P2RY8: variants seen among roughly 807,000 people sequenced by gnomAD.
P2RY8 encodes P2Y receptor family member 8, also known as S-geranylgeranyl-glutathione receptor P2RY8.
P2RY8 carries 6 observed loss-of-function variants against 10.0 expected under a neutral mutation model. The observed-to-expected ratio is 0.60, with a 90% CI of 0.33 to 1.19. The LOEUF is 1.19. Among genes scored for constraint, P2RY8 ranks in the 50% most tolerant of loss-of-function variants. P2RY8 has a pLI of 0.04. For synonymous variants in P2RY8, 276 were observed against 252.5 expected, an observed-to-expected ratio of 1.09 and a Z score of -0.88; for missense variants, 456 against 542.0, an observed-to-expected ratio of 0.84 and a Z score of 1.58.
chrX:1,496,745 T>G (rs1175112989), intron 1 of P2RY8, among the ~76,000 whole-genome samples: 7 of 138,182 alleles, frequency 5.1e-5, no homozygotes, highest in Non-Finnish European at 9.0e-5. Context: ...TCTCCCAGGT[T>G]GGAGTGCAGT....
At chrX:1,500,717 G>T (rs1313016342) in intron 1 of P2RY8, among the ~76,000 whole-genome samples, 1 of 152,074 alleles carries the variant, frequency 6.6e-6, no homozygotes, top group Non-Finnish European at 1.5e-5. Flanking sequence ...CAAAGTCTTG[G>T]GATTACAGGC....
rs2091626307 is a variant in P2RY8 at position 1,464,050 on chromosome X, G to A, written c.*1429C>T. On this transcript the variant is annotated 3_prime_UTR_variant, in exon 2 of 2. Coordinates refer to ENST00000381297, the MANE Select transcript of P2RY8 (RefSeq NM_178129.5). ...GGCAGGAGAGAGGCACCAATAGAGG[G>A]CCTCCGAACAGCAGCTTCAGCCTCC... The A allele has an allele frequency of 4.3e-6, 1 of 233,138 alleles. No homozygotes were observed. The highest frequency in any genetic ancestry group is 1.8e-4 in the South Asian group (1 of 5,522). 14.4% of individuals were successfully genotyped at this position (233,138 alleles called of 1,614,324 possible).
Position 1,496,237 on chromosome X carries a change from T to C in P2RY8, c.-24-29655A>G, listed in dbSNP as rs757789876. 3.3e-5 allele frequency among the ~76,000 whole-genome samples: 5 copies of C among 152,304 alleles called. No homozygotes were observed. The South Asian group carries it at 1.0e-3, about 32-fold the overall frequency. ...GAATGGACGTCAACTTGGGTACCAC[T>C]GGCTTCTCCCTGCTGTTGAATCCCA... is the stretch of plus-strand genomic sequence containing the variant. On this transcript the variant is annotated intron_variant, in intron 1 of 1. Transcript: ENST00000381297.
chrX:1,522,170 G>C (rs1400197716), intron 1 of P2RY8, among the ~76,000 whole-genome samples: 1 of 151,158 alleles, frequency 6.6e-6, no homozygotes, highest in Non-Finnish European at 1.5e-5. Flanking sequence ...AGCCAGGCTA[G>C]TCTCGAACCC....
chrX:1,477,014 C>G (rs1177685978), intron 1 of P2RY8, among the ~76,000 whole-genome samples: 1 of 152,030 alleles, frequency 6.6e-6, no homozygotes, highest in East Asian at 1.9e-4. Flanking sequence ...CACGGTGAAG[C>G]CCCGTCTCTA....
At chrX:1,470,122 G>T (rs2091765385) in intron 1 of P2RY8, among the ~76,000 whole-genome samples, 1 of 152,172 alleles carries the variant, frequency 6.6e-6, no homozygotes, top group African/African-American at 2.4e-5. Flanking sequence ...ACTTTGGGAG[G>T]CCGAGGCAGG....
At chrX:1,509,332 TTATC>T (rs1180343726) in intron 1 of P2RY8, among the ~76,000 whole-genome samples, 2 of 148,366 alleles carry the variant, frequency 1.3e-5, no homozygotes, top group Non-Finnish European at 3.0e-5. Context: ...CTGTATGTAT[TTATC>T]TATCCATCAT....
In P2RY8 at chrX:1,464,413, C is replaced by G. The variant is rs1190236396; in HGVS notation, c.*1066G>C. The G allele has an allele frequency of 4.3e-6, 1 of 233,444 alleles. No homozygotes were observed. The highest frequency in any genetic ancestry group is 8.5e-6 in the Non-Finnish European group (1 of 118,272). 14.5% of individuals were successfully genotyped at this position (233,444 alleles called of 1,614,324 possible). ...TGTAGGTTCCTGGGGTCCACACCTG[C>G]ATCTGCTGCTTGGTCTCCAAACGGT... On this transcript the variant is annotated 3_prime_UTR_variant, in exon 2 of 2. Transcript: ENST00000381297.
intron 1 of P2RY8, among the ~76,000 whole-genome samples, chrX:1,473,552 A>ATG (rs2091826094): frequency 8.5e-6 from 1 of 117,762 alleles, no homozygotes; most frequent in Non-Finnish European, 1.8e-5. Context: ...TGGGTGGATG[A>ATG]ATGGTAGGTG....
At chrX:1,477,836 G>A (rs146922705) in intron 1 of P2RY8, among the ~76,000 whole-genome samples, 1 of 152,320 alleles carries the variant, frequency 6.6e-6, no homozygotes, top group East Asian at 1.9e-4. Flanking sequence ...AAGAATGTCT[G>A]CAAGAGGCTT....
intron 1 of P2RY8, among the ~76,000 whole-genome samples, chrX:1,475,781 C>T (rs2091866995): frequency 1.3e-5 from 2 of 152,104 alleles, no homozygotes; most frequent in Non-Finnish European, 2.9e-5. Context: ...CACTGCAAAG[C>T]AATAACAACA....
At chrX:1,513,853 G>A (rs1443478206) in intron 1 of P2RY8, among the ~76,000 whole-genome samples, 5 of 151,736 alleles carry the variant, frequency 3.3e-5, no homozygotes, top group Admixed American at 3.3e-4. Flanking sequence ...GTCTCCCCAT[G>A]GCCTCCTCCT....
intron 1 of P2RY8, among the ~76,000 whole-genome samples, chrX:1,512,546 CAAAAAA>C (rs573449530): frequency 3.1e-5 from 3 of 97,082 alleles, no homozygotes; most frequent in African/African-American, 1.3e-4. Context: ...GACTCCGTCT[CAAAAAA>C]AAAAAAAAAA....
chrX:1,466,266 A>G lies in P2RY8; in HGVS notation c.293T>C (p.Val98Ala), dbSNP rs762566036. The G allele has an allele frequency of 8.1e-6, 13 of 1,613,898 alleles. No homozygotes were observed. The South Asian group carries it at 1.3e-4, about 16-fold the overall frequency. The change falls in exon 2 of 2, where the codon GTG becomes GCG. Residue 98 changes from valine (V) to alanine (A), a missense_variant. Transcript: ENST00000381297. ...GTTTGCGTAAAAGGCCACGGTCACC[A>G]CGTTGCAAAGCAGCACCCCGAATAC... is the stretch of plus-strand genomic sequence containing the variant. The part of the protein sequence containing the change: ...HWVFGVLLCN[V>A]VTVAFYANMY...
At chrX:1,519,915 G>GTCTCTCTGGTCCCCAATCA in intron 1 of P2RY8, among the ~76,000 whole-genome samples, 1 of 140,666 alleles carries the variant, frequency 7.1e-6, no homozygotes, top group Non-Finnish European at 1.6e-5. Flanking sequence ...GTTCCCAATA[G>GTCTCTCTGGTCCCCAATCA]TCTCTCTGGT....
At chrX:1,522,962 G>A (rs192292155) in intron 1 of P2RY8, among the ~76,000 whole-genome samples, 2 of 151,260 alleles carry the variant, frequency 1.3e-5, no homozygotes, top group Non-Finnish European at 2.9e-5. Flanking sequence ...CCAGCTACTC[G>A]GGAGGCTGAG....
At chrX:1,497,721 C>G (rs1170894609) in intron 1 of P2RY8, among the ~76,000 whole-genome samples, 16 of 152,016 alleles carry the variant, frequency 1.1e-4, no homozygotes, top group Non-Finnish European at 1.8e-4. Flanking sequence ...TGTTATTACG[C>G]CTGGCATCTC....
rs1170390066 is a variant in P2RY8, at chrX:1,524,594, C to T, written c.-25+12327G>A. On this transcript the variant is annotated intron_variant, in intron 1 of 1. Transcript: ENST00000381297. Reference sequence around the variant, plus strand: ...CCATCCATCCATCCATCCATCCATCCATTCATCCATCTATCCATCCATCCA... The same window carrying T: ...CCATCCATCCATCCATCCATCCATCTATTCATCCATCTATCCATCCATCCA... 1.0e-3 allele frequency among the ~76,000 whole-genome samples: 115 copies of T among 113,460 alleles called. 7 individuals carry two copies. Among genetic ancestry groups the T allele is most frequent in the Non-Finnish European group, 1.3e-3 (69 of 52,626 alleles). 74.4% of individuals were successfully genotyped at this position (113,460 alleles called of 152,430 possible). A position where few individuals can be genotyped will look rare whatever the true frequency, so the allele number is the denominator to read the frequency against.
intron 1 of P2RY8, among the ~76,000 whole-genome samples, chrX:1,499,516 T>C (rs1291274069): frequency 6.6e-6 from 1 of 152,148 alleles, no homozygotes; most frequent in Admixed American, 6.6e-5. Context: ...CTACTGGTTA[T>C]GTTCCTGCAA....
Sources: gnomAD v4.1 joint callset for allele counts (sites outside exome capture counted in the v4.1 genomes callset) on GRCh38, gnomAD v4.1.1 for gene constraint, MANE v1.5 for transcripts, NCBI Gene and HGNC (gene_info 2026-07-23, HGNC 2026-07-21) for gene names.